Variants in SEMA3C observed in about 807,000 individuals in gnomAD.
SEMA3C encodes semaphorin 3C.
A neutral mutation model predicts 89.4 loss-of-function variants in SEMA3C; 47 were observed. That is an observed-to-expected ratio of 0.53 (90% CI 0.42 to 0.67). SEMA3C has a LOEUF of 0.67. SEMA3C is among the 30% of genes least tolerant of loss of function. SEMA3C has a pLI of 0.00. For synonymous variants in SEMA3C, 310 were observed against 320.2 expected (o/e 0.97, Z 0.34); for missense variants, 839 against 929.1 (o/e 0.90, Z 1.26).
rs532806894 is a variant in SEMA3C, at chr7:80,851,589, G to A, written c.104-22844C>T. Among the ~76,000 whole-genome samples, 9 of 145,736 alleles carry A rather than the reference G, an allele frequency of 6.2e-5. No homozygotes were observed. The East Asian group carries it at 1.9e-3, about 30-fold the overall frequency. Reference sequence around the variant, plus strand: ...ACATCATTCATGGGGCCATTACTTAGCCTACCACAGAGTATGACTGACAAT... The same window carrying A: ...ACATCATTCATGGGGCCATTACTTAACCTACCACAGAGTATGACTGACAAT... On this transcript the variant is annotated intron_variant, in intron 2 of 17. Coordinates refer to ENST00000265361, the MANE Select transcript of SEMA3C (RefSeq NM_006379.5).
intron 13 of SEMA3C, among the ~76,000 whole-genome samples, chr7:80,764,753 AT>A (rs1301408423): frequency 4.6e-5 from 7 of 152,348 alleles, no homozygotes; most frequent in African/African-American, 1.7e-4. Flanking sequence ...GGCTAAAAAA[AT>A]ATAAGAAAGC....
intron 4 of SEMA3C, among the ~76,000 whole-genome samples, chr7:80,827,127 A>C (rs1789889657): frequency 6.6e-6 from 1 of 152,120 alleles, no homozygotes; most frequent in Admixed American, 6.6e-5. Context: ...GAGCCTGCTG[A>C]GAATTCTGCA....
At chr7:80,841,753 G>A (rs1344649140) in intron 2 of SEMA3C, among the ~76,000 whole-genome samples, 1 of 151,970 alleles carries the variant, frequency 6.6e-6, no homozygotes, top group Non-Finnish European at 1.5e-5. Flanking sequence ...TTTGAACACA[G>A]GAAAAATATT....
At position 80,916,797 on chromosome 7, in the gene SEMA3C, A is replaced by G; in HGVS notation, c.-16T>C. 1 of 1,612,966 alleles carries G rather than the reference A, an allele frequency of 6.2e-7. No individual in the cohort carries two copies. Among genetic ancestry groups the G allele is most frequent in the Non-Finnish European group, 8.5e-7 (1 of 1,179,462 alleles). On this transcript the variant is annotated 5_prime_UTR_variant, in exon 2 of 18. Coordinates refer to ENST00000265361, the MANE Select transcript of SEMA3C (RefSeq NM_006379.5). ...GGAATGCCATTTCTTCAGATATGCA[A>G]GTTAATATCCAAGGGAAAATACCTT... is the stretch of plus-strand genomic sequence containing the variant.
At chr7:80,880,785 C>A in intron 2 of SEMA3C, among the ~76,000 whole-genome samples, 1 of 152,082 alleles carries the variant, frequency 6.6e-6, no homozygotes, top group South Asian at 2.1e-4. Flanking sequence ...ATTAGCCGGG[C>A]GTGCTGACAG....
chr7:80,859,687 C>T (rs1468173097), intron 2 of SEMA3C, among the ~76,000 whole-genome samples: 1 of 152,218 alleles, frequency 6.6e-6, no homozygotes, highest in Non-Finnish European at 1.5e-5. Context: ...TTAGCACCCT[C>T]CTGTTGCCAC....
At chr7:80,785,794 G>A (rs1788788188) in intron 12 of SEMA3C, among the ~76,000 whole-genome samples, 1 of 152,152 alleles carries the variant, frequency 6.6e-6, no homozygotes, top group South Asian at 2.1e-4. Flanking sequence ...TTTTAGTAGA[G>A]ATGGGGTTTC....
At chr7:80,793,254 A>G (rs1261711758) in intron 11 of SEMA3C, 1 of 191,028 alleles carries the variant, frequency 5.2e-6, no homozygotes, top group African/African-American at 2.4e-5. Context: ...TTAGGAAAGT[A>G]ACAGCAATTG....
Position 80,802,744 on chromosome 7 carries a change from C to T in SEMA3C, c.837G>A (p.Lys279=). 1 of 1,613,444 alleles carries T rather than the reference C, an allele frequency of 6.2e-7. No individual in the cohort carries two copies. The highest frequency in any genetic ancestry group is 8.5e-7 in the Non-Finnish European group (1 of 1,179,512). ...DTGGLRSLVN[K]WTTFLKARLV... ...GCCTCGCCTTTAAGAAAGTGGTCCA[C>T]TTGTTGACAAGGCTACGCAGTCCAC... The change falls in exon 9 of 18, where the codon AAG becomes AAA. Residue 279 remains lysine (K), a synonymous_variant. Transcript: ENST00000265361.
intron 12 of SEMA3C, among the ~76,000 whole-genome samples, chr7:80,779,281 T>A (rs759333498): frequency 7.2e-5 from 11 of 152,182 alleles, no homozygotes; most frequent in Non-Finnish European, 1.5e-4. Flanking sequence ...GTATTTTAAG[T>A]GATCAATTTA....
chr7:80,860,919 T>G (rs533768049), intron 2 of SEMA3C, among the ~76,000 whole-genome samples: 1 of 152,228 alleles, frequency 6.6e-6, no homozygotes, highest in Non-Finnish European at 1.5e-5. Flanking sequence ...AATTCTTCTT[T>G]AACTCATGTT....
intron 2 of SEMA3C, among the ~76,000 whole-genome samples, chr7:80,878,211 C>G (rs887633873): frequency 1.3e-5 from 2 of 152,094 alleles, no homozygotes; most frequent in African/African-American, 4.8e-5. Context: ...AACCCCATCT[C>G]TACTAAAAAT....
chr7:80,758,554 A>G (rs1788117924), intron 14 of SEMA3C, 66 bp from the exon 15 acceptor site: 2 of 1,444,418 alleles, frequency 1.4e-6, no homozygotes, highest in Non-Finnish European at 1.9e-6. Context: ...CAGCAGGAAC[A>G]CATTATAATA....
chr7:80,821,433 G>C (rs530900944), intron 4 of SEMA3C, among the ~76,000 whole-genome samples: 1 of 151,902 alleles, frequency 6.6e-6, no homozygotes, highest in South Asian at 2.1e-4. Flanking sequence ...TTTTTGGGGG[G>C]GTGGGCGACA....
intron 2 of SEMA3C, among the ~76,000 whole-genome samples, chr7:80,898,169 A>T (rs935399292): frequency 6.6e-6 from 1 of 152,006 alleles, no homozygotes; most frequent in South Asian, 2.1e-4. Flanking sequence ...GTTTGAGACC[A>T]GCCTGGCCAA....
At chr7:80,875,612 C>T (rs898434030) in intron 2 of SEMA3C, among the ~76,000 whole-genome samples, 2 of 152,096 alleles carry the variant, frequency 1.3e-5, no homozygotes, top group African/African-American at 4.8e-5. Flanking sequence ...AAATCCCCCT[C>T]CATCCAACTC....
At chr7:80,782,229 A>G (rs1788707227) in intron 12 of SEMA3C, among the ~76,000 whole-genome samples, 1 of 152,208 alleles carries the variant, frequency 6.6e-6, no homozygotes, top group Non-Finnish European at 1.5e-5. Context: ...CACAGGTTAA[A>G]TTCGAGCACA....
intron 17 of SEMA3C, among the ~76,000 whole-genome samples, chr7:80,746,699 T>C (rs1787806926): frequency 8.3e-6 from 1 of 121,026 alleles, no homozygotes. Flanking sequence ...TGGAATCACA[T>C]GTACTGATAT....
At chr7:80,788,617 T>C (rs750585167) in intron 12 of SEMA3C, among the ~76,000 whole-genome samples, 1 of 152,178 alleles carries the variant, frequency 6.6e-6, no homozygotes, top group Non-Finnish European at 1.5e-5. Flanking sequence ...TGTGGGTCTA[T>C]AAACAAGCAC....
Sources: gnomAD v4.1 joint callset for allele counts (sites outside exome capture counted in the v4.1 genomes callset) on GRCh38, gnomAD v4.1.1 for gene constraint, MANE v1.5 for transcripts, NCBI Gene and HGNC (gene_info 2026-07-23, HGNC 2026-07-21) for gene names.